The following GLMN variants were observed in gnomAD, a reference collection of about 807,000 sequenced individuals.
GLMN encodes glomulin, FKBP associated protein, also known as glomulin.
Under a neutral mutation model 87.8 loss-of-function variants are expected in GLMN, and 75 were observed. The ratio of observed to expected loss-of-function variants is 0.85; its 90% CI spans 0.71 to 1.04. The LOEUF is 1.04. Among genes scored for constraint, GLMN ranks in the 50% least tolerant of loss-of-function variants. The pLI is 0.00. For synonymous variants in GLMN, 206 were observed against 221.6 expected (o/e 0.93, Z 0.63); for missense variants, 588 against 658.8 (o/e 0.89, Z 1.18).
the GLMN span, among the ~76,000 whole-genome samples, chr1:92,357,094 T>TACACACACACACACACAC: frequency 6.9e-6 from 1 of 144,756 alleles, no homozygotes; most frequent in Non-Finnish European, 1.5e-5. Flanking sequence ...AAGGATTACA[T>TACACACACACACACACAC]ACACACACAC....
intron 7 of GLMN, among the ~76,000 whole-genome samples, chr1:92,272,711 T>C (rs1045946968): frequency 4.6e-5 from 7 of 152,102 alleles, no homozygotes; most frequent in Non-Finnish European, 8.8e-5. Flanking sequence ...GTCATCAGGG[T>C]TCTCATGTGA....
At chr1:92,259,732 C>CTTTTTTTTTT (rs58390058) in intron 16 of GLMN, among the ~76,000 whole-genome samples, 1 of 108,186 alleles carries the variant, frequency 9.2e-6, no homozygotes, top group Non-Finnish European at 1.8e-5. Context: ...TTTTTTCTTT[C>CTTTTTTTTTT]TTTTTTTTTT....
the GLMN span, among the ~76,000 whole-genome samples, chr1:92,331,819 A>G: frequency 6.6e-6 from 1 of 152,134 alleles, no homozygotes; most frequent in East Asian, 1.9e-4. Flanking sequence ...TTCTCTTAGT[A>G]TCAGTTGATA....
chr1:92,270,222 A>G (rs533320458), intron 8 of GLMN, among the ~76,000 whole-genome samples: 8 of 152,350 alleles, frequency 5.3e-5, no homozygotes, highest in African/African-American at 1.9e-4. Context: ...TATTTCAACC[A>G]TCCAGTTGGT....
chr1:92,325,012 T>C, the GLMN span, among the ~76,000 whole-genome samples: 2 of 152,318 alleles, frequency 1.3e-5, no homozygotes, highest in Admixed American at 6.5e-5. Flanking sequence ...TCAATTGTTA[T>C]TTGTTTTAAA....
chr1:92,354,313 T>TAA, the GLMN span, among the ~76,000 whole-genome samples: 1 of 152,188 alleles, frequency 6.6e-6, no homozygotes, highest in Non-Finnish European at 1.5e-5. Context: ...ATTTCAATCT[T>TAA]AGAGTATTGA....
At chr1:92,326,574 C>T in the GLMN span, among the ~76,000 whole-genome samples, 5 of 152,070 alleles carry the variant, frequency 3.3e-5, no homozygotes, top group Admixed American at 2.0e-4. Flanking sequence ...AGGGAAGGAC[C>T]GTCATGGGGG....
chr1:92,284,134 T>C (rs1489223951), intron 7 of GLMN, among the ~76,000 whole-genome samples: 1 of 152,144 alleles, frequency 6.6e-6, no homozygotes, highest in African/African-American at 2.4e-5. Context: ...AAAGTTGATA[T>C]GGAACCAAAA....
rs1445990523 is a variant in GLMN at position 92,285,588 on chromosome 1, A to G, written c.735+902T>C. On this transcript the variant is annotated intron_variant, in intron 7 of 18. Coordinates refer to ENST00000370360, the MANE Select transcript of GLMN (RefSeq NM_053274.3). The stretch of plus-strand genomic sequence containing the variant: ...TGTAACAAACCTGCACGTTGTGCAC[A>G]TGTACCCTAGAACTTAAAGTATAAT... Among the ~76,000 whole-genome samples, 4 of 152,320 alleles carry G rather than the reference A, an allele frequency of 2.6e-5. No individual in the cohort carries two copies. The East Asian group carries it at 7.7e-4, about 29-fold the overall frequency.
intron 14 of GLMN, among the ~76,000 whole-genome samples, chr1:92,263,995 A>G (rs1263860312): frequency 2.6e-5 from 4 of 152,208 alleles, no homozygotes; most frequent in African/African-American, 4.8e-5. Context: ...TGAGAAGCAT[A>G]TAACAAAGCA....
intron 16 of GLMN, among the ~76,000 whole-genome samples, chr1:92,253,088 C>G (rs1172584890): frequency 6.6e-6 from 1 of 152,156 alleles, no homozygotes; most frequent in Non-Finnish European, 1.5e-5. Flanking sequence ...AGTCATCCGG[C>G]TCTGCAAATA....
intron 11 of GLMN, among the ~76,000 whole-genome samples, 173 bp downstream of exon 11, chr1:92,267,740 G>A (rs1208936160): frequency 2.6e-5 from 4 of 151,922 alleles, no homozygotes; most frequent in African/African-American, 9.7e-5. Flanking sequence ...CACATTTCAA[G>A]TGTTCAGTTT....
chr1:92,247,677 T>C (rs1652869044), intron 17 of GLMN, among the ~76,000 whole-genome samples: 1 of 152,182 alleles, frequency 6.6e-6, no homozygotes, highest in South Asian at 2.1e-4. Flanking sequence ...CAATGTAATA[T>C]TTGGTTTAAG....
At chr1:92,362,977 A>T in the GLMN span, among the ~76,000 whole-genome samples, 5 of 152,210 alleles carry the variant, frequency 3.3e-5, no homozygotes, top group Non-Finnish European at 1.5e-5. Context: ...ATTAAGTGCC[A>T]CTAGCTAATT....
intron 7 of GLMN, among the ~76,000 whole-genome samples, chr1:92,280,903 A>C (rs916497778): frequency 6.6e-5 from 10 of 152,362 alleles, no homozygotes; most frequent in African/African-American, 2.4e-4. Context: ...TAAAGCAAGA[A>C]GACAAGATTA....
chr1:92,365,433 T>C, the GLMN span, among the ~76,000 whole-genome samples: 1 of 152,164 alleles, frequency 6.6e-6, no homozygotes, highest in East Asian at 1.9e-4. Context: ...TTTTGATTCA[T>C]TGGTCTTGGG....
At chr1:92,347,599 T>G in the GLMN span, among the ~76,000 whole-genome samples, 3 of 152,200 alleles carry the variant, frequency 2.0e-5, no homozygotes, top group Non-Finnish European at 4.4e-5. Context: ...ATCTAAAATA[T>G]ATAGCAAAGA....
the GLMN span, among the ~76,000 whole-genome samples, chr1:92,311,159 A>C: frequency 6.6e-6 from 1 of 152,156 alleles, no homozygotes; most frequent in Non-Finnish European, 1.5e-5. Flanking sequence ...TGTTGGATTT[A>C]GCTCACGTTT....
chr1:92,300,348 A>T, upstream of GLMN: 1 of 821,110 alleles, frequency 1.2e-6, no homozygotes, highest in East Asian at 2.5e-5. Flanking sequence ...GAAAATTATC[A>T]TGAGAGGGAA....
Sources: allele counts gnomAD v4.1 joint callset (sites outside exome capture counted in the v4.1 genomes callset), GRCh38; gene constraint gnomAD v4.1.1; transcripts MANE v1.5; gene names NCBI Gene and HGNC (gene_info 2026-07-23, HGNC 2026-07-21).